The following TBCA variants were observed in gnomAD, a reference collection of about 807,000 sequenced individuals.
The protein encoded by TBCA is tubulin-specific chaperone A.
A neutral mutation model predicts 15.8 loss-of-function variants in TBCA; 6 were observed. That is an observed-to-expected ratio of 0.38 (90% CI 0.21 to 0.75). TBCA has a LOEUF of 0.75. TBCA is among the 30% of genes least tolerant of loss of function. The pLI is 0.46. For synonymous variants in TBCA, 32 were observed against 42.3 expected (o/e 0.76, Z 0.94); for missense variants, 90 against 131.2 (o/e 0.69, Z 1.53).
chr5:77,750,259 C>G (rs1474206739), intron 1 of TBCA, among the ~76,000 whole-genome samples: 1 of 151,672 alleles, frequency 6.6e-6, no homozygotes, highest in Non-Finnish European at 1.5e-5. Context: ...AAAAATTACT[C>G]AAATATTTTA....
chr5:77,759,793 G>A (rs1209495651), intron 1 of TBCA, among the ~76,000 whole-genome samples: 1 of 152,068 alleles, frequency 6.6e-6, no homozygotes, highest in Non-Finnish European at 1.5e-5. Context: ...ATGATTCACA[G>A]AATACTATGT....
chr5:77,745,683 A>G (rs1580123719), intron 1 of TBCA, among the ~76,000 whole-genome samples: 2 of 152,378 alleles, frequency 1.3e-5, no homozygotes, highest in African/African-American at 4.8e-5. Flanking sequence ...ACAGTGGTCA[A>G]TATTTAATAT....
At chr5:77,717,303 T>C (rs1746419249) in intron 1 of TBCA, among the ~76,000 whole-genome samples, 1 of 152,236 alleles carries the variant, frequency 6.6e-6, no homozygotes, top group Non-Finnish European at 1.5e-5. Flanking sequence ...CAGAAGATTG[T>C]TCTGTAAGTA....
intron 1 of TBCA, among the ~76,000 whole-genome samples, chr5:77,717,661 C>T (rs895382541): frequency 1.3e-5 from 2 of 151,736 alleles, no homozygotes. Flanking sequence ...AAAACCCCGT[C>T]TCTAGTAAAA....
At chr5:77,737,461 T>C (rs1426333759) in intron 1 of TBCA, among the ~76,000 whole-genome samples, 2 of 152,198 alleles carry the variant, frequency 1.3e-5, no homozygotes, top group Non-Finnish European at 2.9e-5. Flanking sequence ...AAGTTACTTA[T>C]CGACACTCTA....
intron 2 of TBCA, among the ~76,000 whole-genome samples, chr5:77,695,003 A>G (rs1745842687): frequency 6.6e-6 from 1 of 152,202 alleles, no homozygotes; most frequent in African/African-American, 2.4e-5. Flanking sequence ...ATCTGAATAT[A>G]TGTGAAAAAT....
At chr5:77,757,112 A>G (rs139377563) in intron 1 of TBCA, among the ~76,000 whole-genome samples, 1 of 152,308 alleles carries the variant, frequency 6.6e-6, no homozygotes, top group East Asian at 1.9e-4. Flanking sequence ...TTTGTTCCCC[A>G]TAATTTGGAA....
At chr5:77,733,570 T>C (rs538949906) in intron 1 of TBCA, among the ~76,000 whole-genome samples, 114 of 152,312 alleles carry the variant, frequency 7.5e-4, no homozygotes, top group Middle Eastern at 3.4e-3. Context: ...TTAACTCACA[T>C]CAATTCTATG....
At chr5:77,752,164 T>C (rs1337146042) in intron 1 of TBCA, among the ~76,000 whole-genome samples, 3 of 152,196 alleles carry the variant, frequency 2.0e-5, no homozygotes, top group African/African-American at 7.2e-5. Context: ...CAATCCATTA[T>C]AGTAAAGGTT....
At chr5:77,759,300 A>C (rs1332349358) in intron 1 of TBCA, among the ~76,000 whole-genome samples, 2 of 152,206 alleles carry the variant, frequency 1.3e-5, no homozygotes, top group South Asian at 2.1e-4. Context: ...GGAGTTGTGG[A>C]GATCAAGGTT....
intron 1 of TBCA, among the ~76,000 whole-genome samples, chr5:77,758,908 C>T (rs1383207094): frequency 6.6e-6 from 1 of 152,156 alleles, no homozygotes; most frequent in Non-Finnish European, 1.5e-5. Context: ...ATTGCTGCTC[C>T]CTGCTGTCTG....
chr5:77,710,678 T>C (rs918101114), intron 1 of TBCA, among the ~76,000 whole-genome samples: 1 of 152,198 alleles, frequency 6.6e-6, no homozygotes, highest in African/African-American at 2.4e-5. Context: ...TAGTGGCTGT[T>C]GTCTCCTATA....
intron 2 of TBCA, among the ~76,000 whole-genome samples, chr5:77,703,066 T>C (rs539833201): frequency 1.5e-4 from 23 of 152,318 alleles, no homozygotes; most frequent in African/African-American, 5.3e-4. Flanking sequence ...AAACATGTCA[T>C]TGTAAATGTT....
intron 1 of TBCA, among the ~76,000 whole-genome samples, chr5:77,745,455 A>G (rs183116622): frequency 1.3e-5 from 2 of 152,366 alleles, no homozygotes; most frequent in Admixed American, 1.3e-4. Context: ...AGTAACAATT[A>G]CAAGTATCAC....
chr5:77,775,948 G>A (rs1487221367), intron 1 of TBCA, among the ~76,000 whole-genome samples: 1 of 152,190 alleles, frequency 6.6e-6, no homozygotes, highest in Non-Finnish European at 1.5e-5. Flanking sequence ...CGAGAAACCG[G>A]GCCACCGCCG....
At chr5:77,695,900 T>C (rs1464245161) in intron 2 of TBCA, among the ~76,000 whole-genome samples, 1 of 152,196 alleles carries the variant, frequency 6.6e-6, no homozygotes, top group African/African-American at 2.4e-5. Flanking sequence ...TATGGTTTTA[T>C]AGGGGGTACT....
chr5:77,696,690 G>C (rs971081950), intron 2 of TBCA, among the ~76,000 whole-genome samples: 1 of 152,194 alleles, frequency 6.6e-6, no homozygotes, highest in Non-Finnish European at 1.5e-5. Context: ...AGGAGGCCAA[G>C]GCAGGAAGAT....
chr5:77,727,239 G>GAAAAAAAAAAAAAAAAAAAAAAAAAA (rs35477479), intron 1 of TBCA, among the ~76,000 whole-genome samples: 1 of 81,038 alleles, frequency 1.2e-5, no homozygotes, highest in Non-Finnish European at 2.3e-5. Flanking sequence ...TCTGTCTCAG[G>GAAAAAAAAAAAAAAAAAAAAAAAAAA]AAAAAAAAAA....
At chr5:77,761,349 T>C (rs889288623) in intron 1 of TBCA, among the ~76,000 whole-genome samples, 1 of 152,198 alleles carries the variant, frequency 6.6e-6, no homozygotes. Flanking sequence ...AACCCCGTGC[T>C]CTCTGAAACA....
Sources: allele counts gnomAD v4.1 joint callset (sites outside exome capture counted in the v4.1 genomes callset), GRCh38; gene constraint gnomAD v4.1.1; transcripts MANE v1.5; gene names NCBI Gene and HGNC (gene_info 2026-07-23, HGNC 2026-07-21).